Variants in COL24A1 observed in about 807,000 individuals in gnomAD.
COL24A1 encodes collagen alpha-1(XXIV) chain.
COL24A1 carries 224 observed loss-of-function variants against 253.9 expected under a neutral mutation model. The observed-to-expected ratio is 0.88, with a 90% CI of 0.79 to 0.99. The LOEUF (loss-of-function observed/expected upper bound fraction) is 0.99. COL24A1 is among the 50% of genes least tolerant of loss of function. COL24A1 has a pLI of 0.00. For missense variants in COL24A1, 2,131 were observed against 2,068.5 expected, an observed-to-expected ratio of 1.03 and a Z score of -0.59; for synonymous variants, 685 against 673.7, an observed-to-expected ratio of 1.02 and a Z score of -0.26.
rs1423844015 is a variant in COL24A1, at chr1:86,023,005, G to A, written c.2052C>T (p.Gly684=). ...TGPPGFPGLR[G]SVGPVGPIGP... ...CAATTGGTCCCACAGGGCCAACACTGCCCTGGAAAACAGTAAGAAAGAAAT... is the reference window on the plus strand; with the variant it reads ...CAATTGGTCCCACAGGGCCAACACTACCCTGGAAAACAGTAAGAAAGAAAT... The change falls in exon 15 of 60, where the codon GGC becomes GGT. Residue 684 remains glycine (G), a splice_region_variant and synonymous_variant. Coordinates refer to ENST00000370571, the MANE Select transcript of COL24A1 (RefSeq NM_152890.7). 9 of 1,612,058 alleles carry A rather than the reference G, an allele frequency of 5.6e-6. No homozygotes were observed. The highest frequency in any genetic ancestry group is 6.8e-6 in the Non-Finnish European group (8 of 1,178,924).
At chr1:85,963,244 T>G (rs1011613303) in intron 23 of COL24A1, among the ~76,000 whole-genome samples, 2 of 152,128 alleles carry the variant, frequency 1.3e-5, no homozygotes, top group Non-Finnish European at 2.9e-5. Flanking sequence ...TTTAGATAAA[T>G]AGTAAAGAAT....
At chr1:86,061,362 GCTGTTTTTATT>G (rs1463211005) in intron 8 of COL24A1, among the ~76,000 whole-genome samples, 1 of 151,946 alleles carries the variant, frequency 6.6e-6, no homozygotes, top group Non-Finnish European at 1.5e-5. Flanking sequence ...AATGTAAAAG[GCTGTTTTTATT>G]CTGTAGGCCA....
At chr1:86,088,107 T>C (rs1703202605) in intron 7 of COL24A1, among the ~76,000 whole-genome samples, 1 of 152,224 alleles carries the variant, frequency 6.6e-6, no homozygotes, top group Non-Finnish European at 1.5e-5. Context: ...GTTGCAAGGA[T>C]TATCTCATTC....
intron 5 of COL24A1, among the ~76,000 whole-genome samples, chr1:86,107,216 T>C (rs2102097548): frequency 6.6e-6 from 1 of 152,300 alleles, no homozygotes; most frequent in Middle Eastern, 3.4e-3. Flanking sequence ...CCTCTACCAC[T>C]TACAAACAGT....
At chr1:86,151,045 T>G (rs901261614) in intron 1 of COL24A1, among the ~76,000 whole-genome samples, 1 of 152,036 alleles carries the variant, frequency 6.6e-6, no homozygotes, top group Non-Finnish European at 1.5e-5. Context: ...TATATAGGTG[T>G]GTGTGTGTGT....
intron 47 of COL24A1, among the ~76,000 whole-genome samples, chr1:85,795,584 C>G (rs960822114): frequency 1.2e-4 from 18 of 152,180 alleles, no homozygotes; most frequent in African/African-American, 3.9e-4. Context: ...CAAAATGACA[C>G]TGAACTTCAT....
chr1:85,862,524 C>T (rs188186005), intron 37 of COL24A1, among the ~76,000 whole-genome samples: 191 of 152,254 alleles, frequency 1.3e-3, no homozygotes, highest in African/African-American at 4.4e-3. Flanking sequence ...CCTCCTGACA[C>T]AATCATCTTG....
chr1:85,963,848 C>T (rs1310319283), intron 23 of COL24A1, among the ~76,000 whole-genome samples: 2 of 152,068 alleles, frequency 1.3e-5, no homozygotes. Flanking sequence ...GATTTCCTAG[C>T]GCTATTTGGC....
chr1:85,999,766 T>C (rs1366538480), intron 19 of COL24A1, among the ~76,000 whole-genome samples: 1 of 152,180 alleles, frequency 6.6e-6, no homozygotes, highest in Non-Finnish European at 1.5e-5. Context: ...TATAAAAGGA[T>C]GAACATTTGT....
At chr1:86,008,619 A>G (rs1558989477) in intron 19 of COL24A1, among the ~76,000 whole-genome samples, 1 of 152,202 alleles carries the variant, frequency 6.6e-6, no homozygotes, top group African/African-American at 2.4e-5. Flanking sequence ...CACTTCTTTA[A>G]CATTGTACTA....
chr1:85,754,796 A>G (rs1392932410), intron 55 of COL24A1, among the ~76,000 whole-genome samples: 1 of 152,092 alleles, frequency 6.6e-6, no homozygotes, highest in African/African-American at 2.4e-5. Flanking sequence ...GGAAAAAAAA[A>G]TGAAGAAAAG....
intron 20 of COL24A1, among the ~76,000 whole-genome samples, chr1:85,974,728 TTCATATTTA>T (rs1692497598): frequency 6.6e-6 from 1 of 152,162 alleles, no homozygotes; most frequent in East Asian, 1.9e-4. Flanking sequence ...GCACATATGT[TTCATATTTA>T]TCATATGTTA....
chr1:86,072,619 A>G (rs1701951375), intron 7 of COL24A1, among the ~76,000 whole-genome samples: 1 of 152,200 alleles, frequency 6.6e-6, no homozygotes, highest in Admixed American at 6.5e-5. Flanking sequence ...CTCCCAGCAC[A>G]GCACTCGAGC....
intron 39 of COL24A1, among the ~76,000 whole-genome samples, chr1:85,844,113 AAAAGAAAG>A (rs561829566): frequency 1.3e-5 from 2 of 152,032 alleles, no homozygotes; most frequent in African/African-American, 4.8e-5. Context: ...CCAAAAAAGG[AAAAGAAAG>A]AAAGAAAGAA....
At chr1:86,146,074 T>C (rs750460265) in intron 2 of COL24A1, 45 bp downstream of exon 2, 5 of 1,485,808 alleles carry the variant, frequency 3.4e-6, no homozygotes, top group East Asian at 4.5e-5. Context: ...TGTCTGGAAG[T>C]AGAATTTTTA....
chr1:86,071,972 T>A (rs1463337289), intron 7 of COL24A1, among the ~76,000 whole-genome samples: 1 of 152,118 alleles, frequency 6.6e-6, no homozygotes, highest in Non-Finnish European at 1.5e-5. Flanking sequence ...GACAGAGCTA[T>A]CCAGCCAAGA....
intron 31 of COL24A1, among the ~76,000 whole-genome samples, chr1:85,894,966 C>T (rs1445675639): frequency 2.0e-5 from 3 of 151,962 alleles, no homozygotes; most frequent in Non-Finnish European, 4.4e-5. Flanking sequence ...TTCTGTCTCC[C>T]GAGCTGCAAT....
intron 37 of COL24A1, among the ~76,000 whole-genome samples, chr1:85,866,631 T>C (rs1570981601): frequency 6.6e-6 from 1 of 150,950 alleles, no homozygotes; most frequent in East Asian, 2.0e-4. Context: ...AAAATTAGCC[T>C]GGCATGGTGG....
intron 48 of COL24A1, among the ~76,000 whole-genome samples, chr1:85,784,642 T>C (rs28463457): frequency 6.6e-6 from 1 of 152,090 alleles, no homozygotes; most frequent in African/African-American, 2.4e-5. Flanking sequence ...ATAAAACTAG[T>C]AGGATAGTAA....
Sources: gnomAD v4.1 joint callset for allele counts (sites outside exome capture counted in the v4.1 genomes callset) on GRCh38, gnomAD v4.1.1 for gene constraint, MANE v1.5 for transcripts, NCBI Gene and HGNC (gene_info 2026-07-23, HGNC 2026-07-21) for gene names.